TNIK: variants seen among roughly 807,000 people sequenced by gnomAD.
The protein encoded by TNIK is TRAF2 and NCK-interacting protein kinase.
Under a neutral mutation model 191.3 loss-of-function variants are expected in TNIK, and 49 were observed. The observed-to-expected ratio is 0.26, with a 90% CI of 0.20 to 0.32. The LOEUF is 0.32. Among genes scored for constraint, TNIK ranks in the 10% least tolerant of loss-of-function variants. The probability of loss-of-function intolerance (pLI) is 1.00; values close to 1 mark genes in which losing one functional copy is unlikely to be tolerated. For missense variants in TNIK, 1,155 were observed against 1,702.3 expected, an observed-to-expected ratio of 0.68 and a Z score of 5.66; for synonymous variants, 594 against 600.9, an observed-to-expected ratio of 0.99 and a Z score of 0.17.
chr3:171,129,085 A>G (rs1330433819), intron 15 of TNIK, among the ~76,000 whole-genome samples: 2 of 152,132 alleles, frequency 1.3e-5, no homozygotes, highest in Non-Finnish European at 2.9e-5. Flanking sequence ...CACCCAAGCC[A>G]TCACTCTTCC....
chr3:171,280,668 G>A (rs1560366097), intron 2 of TNIK, among the ~76,000 whole-genome samples: 1 of 149,028 alleles, frequency 6.7e-6, no homozygotes, highest in Non-Finnish European at 1.5e-5. Context: ...AAAAAAAACT[G>A]TATCCAAAAG....
In TNIK at chr3:171,091,763, G is replaced by GTC. The variant is rs375911394; in HGVS notation, c.2721+2074_2721+2075dup. Among the ~76,000 whole-genome samples, 6 of 151,040 alleles carry GTC rather than the reference G, an allele frequency of 4.0e-5. No homozygotes were observed. In the East Asian group the frequency reaches 5.9e-4, roughly 15 times the overall value. Reference sequence around the variant, plus strand: ...AAATAATAATAATAATAATAAAGCAGTCTCTCTCTCTCTACATATGTAAAT... The same window carrying GTC: ...AAATAATAATAATAATAATAAAGCAGTCTCTCTCTCTCTCTACATATGTAAAT... On this transcript the variant is annotated intron_variant, in intron 23 of 32. Coordinates refer to ENST00000436636, the MANE Select transcript of TNIK (RefSeq NM_015028.4).
chr3:171,125,417 C>T (rs1307241725), intron 17 of TNIK, among the ~76,000 whole-genome samples: 1 of 152,142 alleles, frequency 6.6e-6, no homozygotes, highest in East Asian at 1.9e-4. Context: ...TATGACTTGG[C>T]CTAGAAAGAG....
intron 2 of TNIK, among the ~76,000 whole-genome samples, chr3:171,327,731 C>G (rs530206980): frequency 6.6e-6 from 1 of 151,680 alleles, no homozygotes; most frequent in Non-Finnish European, 1.5e-5. Flanking sequence ...AATGTGTTAC[C>G]GCAGCATAGC....
chr3:171,275,420 TAA>T (rs58161114), intron 2 of TNIK, among the ~76,000 whole-genome samples: 6,519 of 151,884 alleles, frequency 0.043, 365 homozygotes, highest in African/African-American at 0.14. Flanking sequence ...TTCAAAAATT[TAA>T]AAGAGAGCCA....
chr3:171,130,861 G>A (rs1268901115), intron 15 of TNIK, among the ~76,000 whole-genome samples: 1 of 152,090 alleles, frequency 6.6e-6, no homozygotes, highest in African/African-American at 2.4e-5. Context: ...ATTATTTTTG[G>A]CTCTAAAATA....
At chr3:171,338,276 G>T (rs539567036) in intron 2 of TNIK, among the ~76,000 whole-genome samples, 1 of 152,112 alleles carries the variant, frequency 6.6e-6, no homozygotes, top group African/African-American at 2.4e-5. Flanking sequence ...AAAGTGACAT[G>T]TATAGGGGTG....
intron 5 of TNIK, among the ~76,000 whole-genome samples, chr3:171,192,481 G>A (rs755574649): frequency 4.6e-5 from 7 of 152,152 alleles, no homozygotes; most frequent in African/African-American, 7.2e-5. Flanking sequence ...GTATCATTTC[G>A]GAGAATATAC....
chr3:171,184,677 C>T (rs1268193061), intron 7 of TNIK, among the ~76,000 whole-genome samples: 1 of 152,150 alleles, frequency 6.6e-6, no homozygotes, highest in African/African-American at 2.4e-5. Context: ...GAATATTGTC[C>T]TCTCAGGTGA....
intron 1 of TNIK, among the ~76,000 whole-genome samples, chr3:171,417,428 T>G (rs1248536072): frequency 4.6e-5 from 7 of 152,210 alleles, no homozygotes; most frequent in African/African-American, 1.7e-4. Context: ...CCATTCATAC[T>G]AAATGCATCT....
chr3:171,109,180 T>C (rs1051696734), intron 19 of TNIK, among the ~76,000 whole-genome samples: 1 of 152,130 alleles, frequency 6.6e-6, no homozygotes, highest in African/African-American at 2.4e-5. Context: ...TCTTTAGGTG[T>C]TTTAGAGATG....
chr3:171,170,660 A>G (rs1474086553), intron 9 of TNIK, among the ~76,000 whole-genome samples: 1 of 152,212 alleles, frequency 6.6e-6, no homozygotes, highest in African/African-American at 2.4e-5. Context: ...GTTTGCTATT[A>G]TGATGATGAT....
At chr3:171,117,710 C>T (rs1276210086) in intron 18 of TNIK, among the ~76,000 whole-genome samples, 2 of 152,128 alleles carry the variant, frequency 1.3e-5, no homozygotes, top group Admixed American at 6.5e-5. Flanking sequence ...GTGGCTCACA[C>T]CTGTAATCCC....
intron 2 of TNIK, among the ~76,000 whole-genome samples, chr3:171,278,941 A>G (rs541716032): frequency 4.3e-4 from 65 of 152,284 alleles, no homozygotes; most frequent in African/African-American, 1.3e-3. Flanking sequence ...AGTTAGTGAG[A>G]AATTGTACAG....
At chr3:171,155,772 T>TA (rs1733090339) in intron 12 of TNIK, among the ~76,000 whole-genome samples, 1 of 152,190 alleles carries the variant, frequency 6.6e-6, no homozygotes, top group South Asian at 2.1e-4. Flanking sequence ...ATGTTCAGGA[T>TA]AAAAGACTAT....
chr3:171,292,570 C>A (rs1273054750), intron 2 of TNIK, among the ~76,000 whole-genome samples: 1 of 152,004 alleles, frequency 6.6e-6, no homozygotes, highest in Non-Finnish European at 1.5e-5. Context: ...AGGTCAGGAG[C>A]TCAAGACCAT....
intron 1 of TNIK, among the ~76,000 whole-genome samples, chr3:171,452,162 C>T (rs1414791878): frequency 2.0e-5 from 3 of 152,234 alleles, no homozygotes; most frequent in Admixed American, 6.5e-5. Context: ...TCCTATCACT[C>T]GGTCTTCAAA....
chr3:171,123,394 A>G (rs1728030410), intron 18 of TNIK, among the ~76,000 whole-genome samples: 1 of 152,238 alleles, frequency 6.6e-6, no homozygotes, highest in South Asian at 2.1e-4. Flanking sequence ...TTTATTCATG[A>G]GCCCCCCACT....
chr3:171,108,429 C>CA (rs1725319466), intron 19 of TNIK, among the ~76,000 whole-genome samples: 3 of 152,182 alleles, frequency 2.0e-5, no homozygotes, highest in South Asian at 2.1e-4. Context: ...TCTTATGTGT[C>CA]AGGCATAGTG....
Sources: allele counts gnomAD v4.1 joint callset (sites outside exome capture counted in the v4.1 genomes callset), GRCh38; gene constraint gnomAD v4.1.1; transcripts MANE v1.5; gene names NCBI Gene and HGNC (gene_info 2026-07-23, HGNC 2026-07-21).